Variants in YEATS2 observed in about 807,000 individuals in gnomAD.
YEATS2 encodes YEATS domain-containing protein 2.
In YEATS2, 77 loss-of-function variants were observed where a neutral mutation model predicts 163.2. The ratio of observed to expected loss-of-function variants is 0.47; its 90% CI spans 0.39 to 0.57. The LOEUF (loss-of-function observed/expected upper bound fraction) is 0.57. YEATS2 is among the 20% of genes least tolerant of loss of function. The pLI is 0.00. For missense variants in YEATS2, 1,549 were observed against 1,729.8 expected, an observed-to-expected ratio of 0.90 and a Z score of 1.85; for synonymous variants, 631 against 645.1, an observed-to-expected ratio of 0.98 and a Z score of 0.33.
intron 26 of YEATS2, 173 bp from the exon 27 acceptor site, chr3:183,803,814 T>G: frequency 1.5e-6 from 1 of 656,608 alleles, no homozygotes; most frequent in Non-Finnish European, 2.6e-6. Context: ...TGTATTAGCA[T>G]TAGGGAAGTT....
chr3:183,735,593 A>G (rs62285760), intron 7 of YEATS2, among the ~76,000 whole-genome samples: 1 of 151,996 alleles, frequency 6.6e-6, no homozygotes, highest in Admixed American at 6.5e-5. Context: ...TCGTTAATTC[A>G]CATCTGTTAC....
At chr3:183,774,591 G>GCAGTTAAA (rs1722786937) in intron 17 of YEATS2, among the ~76,000 whole-genome samples, 1 of 152,150 alleles carries the variant, frequency 6.6e-6, no homozygotes, top group Non-Finnish European at 1.5e-5. Flanking sequence ...AAAGCCCCAT[G>GCAGTTAAA]GAAATGAGGC....
At chr3:183,803,193 A>G (rs905772974) in intron 25 of YEATS2, 63 bp from the exon 26 acceptor site, 28 of 1,562,176 alleles carry the variant, frequency 1.8e-5, no homozygotes, top group Non-Finnish European at 2.2e-5. Flanking sequence ...TGCCTCCAGC[A>G]AATGACGTGT....
intron 19 of YEATS2, among the ~76,000 whole-genome samples, chr3:183,778,129 GAAAA>G (rs1010690769): frequency 3.2e-5 from 4 of 126,200 alleles, no homozygotes; most frequent in Non-Finnish European, 5.1e-5. Flanking sequence ...AAAAAAAAAA[GAAAA>G]AAAAAGAAAA....
At chr3:183,808,182 A>G (rs1726417581) in intron 29 of YEATS2, 78 bp downstream of exon 29, 11 of 1,164,826 alleles carry the variant, frequency 9.4e-6, no homozygotes, top group Admixed American at 2.3e-5. Context: ...AAGGACAGAA[A>G]AGGAACAAAG....
intron 8 of YEATS2, 148 bp downstream of exon 8, chr3:183,736,977 C>T: frequency 1.7e-6 from 1 of 590,854 alleles, no homozygotes; most frequent in Non-Finnish European, 2.9e-6. Flanking sequence ...CTATTAATAG[C>T]CTACTGTTGA....
At chr3:183,771,506 GT>G (rs1482274550) in intron 15 of YEATS2, among the ~76,000 whole-genome samples, 1 of 105,630 alleles carries the variant, frequency 9.5e-6, no homozygotes, top group Non-Finnish European at 2.0e-5. Context: ...GGGTACTGGG[GT>G]CTTTTTTTTT....
At chr3:183,786,660 A>G (rs1724096388) in intron 20 of YEATS2, among the ~76,000 whole-genome samples, 1 of 148,254 alleles carries the variant, frequency 6.7e-6, no homozygotes, top group Admixed American at 6.7e-5. Context: ...ATATAAAGGG[A>G]GTCATATAAC....
At chr3:183,765,492 A>C (rs796071791) in intron 15 of YEATS2, among the ~76,000 whole-genome samples, 1 of 152,214 alleles carries the variant, frequency 6.6e-6, no homozygotes, top group Non-Finnish European at 1.5e-5. Flanking sequence ...CTGAAAAGAA[A>C]AACCACAGCA....
intron 7 of YEATS2, 143 bp from the exon 8 acceptor site, chr3:183,736,575 A>G (rs1346857430): frequency 8.5e-6 from 5 of 589,996 alleles, no homozygotes; most frequent in African/African-American, 3.8e-5. Flanking sequence ...AAAATTCGGC[A>G]TGTTGATTTA....
At chr3:183,698,273 C>A (rs1335867637) in intron 1 of YEATS2, among the ~76,000 whole-genome samples, 5 of 152,220 alleles carry the variant, frequency 3.3e-5, no homozygotes, top group Non-Finnish European at 7.3e-5. Flanking sequence ...CCCCGAGCCA[C>A]AGCGGCCGGA....
At chr3:183,758,329 C>T (rs907264845) in intron 12 of YEATS2, among the ~76,000 whole-genome samples, 1 of 151,650 alleles carries the variant, frequency 6.6e-6, no homozygotes, top group African/African-American at 2.4e-5. Flanking sequence ...TGCACTCCAC[C>T]CCGGGTGACA....
At position 183,763,692 on chromosome 3, in the gene YEATS2, G is replaced by A. The variant is rs565250447; in HGVS notation, c.1947+1413G>A. ...ATTTCAGAACTAATGAAAAGTGGTT[G>A]TCTCTAACCTTGGTATGCTTTCAGA... On this transcript the variant is annotated intron_variant, in intron 15 of 30. Coordinates refer to ENST00000305135, the MANE Select transcript of YEATS2 (RefSeq NM_018023.5). Among the ~76,000 whole-genome samples the A allele has an allele frequency of 5.9e-5, 9 of 152,300 alleles. No homozygotes were observed. The South Asian group carries it at 1.9e-3, about 32-fold the overall frequency.
At chr3:183,758,775 G>A (rs958116249) in intron 12 of YEATS2, 87 bp from the exon 13 acceptor site, 15 of 925,760 alleles carry the variant, frequency 1.6e-5, no homozygotes, top group South Asian at 4.5e-5. Context: ...TAAATAGTGC[G>A]AAAGAGGGGA....
chr3:183,748,802 G>A (rs990120141), intron 9 of YEATS2, among the ~76,000 whole-genome samples: 2 of 151,806 alleles, frequency 1.3e-5, no homozygotes, highest in African/African-American at 4.8e-5. Context: ...GTCTTACTAT[G>A]TTCACAGGCT....
At chr3:183,699,702 G>C (rs977947182) in intron 1 of YEATS2, among the ~76,000 whole-genome samples, 3 of 152,126 alleles carry the variant, frequency 2.0e-5, no homozygotes, top group Non-Finnish European at 4.4e-5. Flanking sequence ...GTTGGGGAAA[G>C]GACGCAGGAA....
chr3:183,736,976 G>A, intron 8 of YEATS2, 147 bp downstream of exon 8: 1 of 590,520 alleles, frequency 1.7e-6, no homozygotes, highest in East Asian at 2.9e-5. Flanking sequence ...ACTATTAATA[G>A]CCTACTGTTG....
At chr3:183,741,914 A>T (rs1719014508) in intron 8 of YEATS2, among the ~76,000 whole-genome samples, 1 of 151,978 alleles carries the variant, frequency 6.6e-6, no homozygotes, top group Admixed American at 6.6e-5. Context: ...CTGTTTTAAG[A>T]AATATATTTT....
intron 7 of YEATS2, among the ~76,000 whole-genome samples, chr3:183,732,106 T>A (rs757272773): frequency 1.8e-4 from 27 of 152,174 alleles, no homozygotes; most frequent in Non-Finnish European, 4.0e-4. Flanking sequence ...TACATGTATG[T>A]CTCACCAGAT....
Sources: gnomAD v4.1 joint callset for allele counts (sites outside exome capture counted in the v4.1 genomes callset) on GRCh38, gnomAD v4.1.1 for gene constraint, MANE v1.5 for transcripts, NCBI Gene and HGNC (gene_info 2026-07-23, HGNC 2026-07-21) for gene names.